The following ANGPT1 variants were observed in gnomAD, a reference collection of about 807,000 sequenced individuals.
ANGPT1 encodes angiopoietin-1.
In ANGPT1, 17 loss-of-function variants were observed where a neutral mutation model predicts 62.2. The observed-to-expected ratio is 0.27, with a 90% CI of 0.19 to 0.41. ANGPT1 has a LOEUF of 0.41. Among genes scored for constraint, ANGPT1 ranks in the 10% least tolerant of loss-of-function variants. The pLI is 1.00. For synonymous variants in ANGPT1, 199 were observed against 198.9 expected (o/e 1.00, Z 0.00); for missense variants, 478 against 594.9 (o/e 0.80, Z 2.04).
chr8:107,450,978 C>A (rs185071644), intron 1 of ANGPT1, among the ~76,000 whole-genome samples: 1 of 151,602 alleles, frequency 6.6e-6, no homozygotes, highest in Non-Finnish European at 1.5e-5. Context: ...TTTACTAGAA[C>A]GTATTGTAAA....
chr8:107,256,121 A>G (rs1296621318), intron 8 of ANGPT1, among the ~76,000 whole-genome samples: 1 of 152,192 alleles, frequency 6.6e-6, no homozygotes, highest in African/African-American at 2.4e-5. Flanking sequence ...CTAGTGGGCC[A>G]TGAATTCTGT....
chr8:107,473,488 A>G (rs1812419219), intron 1 of ANGPT1, among the ~76,000 whole-genome samples: 1 of 152,064 alleles, frequency 6.6e-6, no homozygotes, highest in Admixed American at 6.6e-5. Flanking sequence ...CATCTTGGTG[A>G]GCAAATAAAT....
At chr8:107,360,556 A>G (rs1274399133) in intron 1 of ANGPT1, among the ~76,000 whole-genome samples, 1 of 152,220 alleles carries the variant, frequency 6.6e-6, no homozygotes, top group Non-Finnish European at 1.5e-5. Context: ...TTGTTTGACT[A>G]GCACATTATT....
At chr8:107,364,556 C>A (rs1816233874) in intron 1 of ANGPT1, among the ~76,000 whole-genome samples, 1 of 152,170 alleles carries the variant, frequency 6.6e-6, no homozygotes, top group Non-Finnish European at 1.5e-5. Flanking sequence ...GCTGAGATTA[C>A]AGGCGTGAGC....
chr8:107,356,178 G>A lies in ANGPT1; in HGVS notation c.298-9081C>T, dbSNP rs539030547. On this transcript the variant is annotated intron_variant, in intron 1 of 8. Transcript: ENST00000517746. The stretch of plus-strand genomic sequence containing the variant: ...TGAAAACAAATATCCTCACTTTGTG[G>A]ACCACATAAACCCATCTTGTCTTAC... Among the ~76,000 whole-genome samples, 36 of 152,130 alleles carry A rather than the reference G, an allele frequency of 2.4e-4. No individual in the cohort carries two copies. In the South Asian group the frequency reaches 7.5e-3, roughly 32 times the overall value.
At chr8:107,299,417 ATAT>A (rs1814502521) in intron 5 of ANGPT1, among the ~76,000 whole-genome samples, 6 of 142,652 alleles carry the variant, frequency 4.2e-5, no homozygotes, top group Non-Finnish European at 7.6e-5. Flanking sequence ...ATATATATAT[ATAT>A]AAACATACAT....
At chr8:107,258,905 A>T (rs1217563958) in intron 8 of ANGPT1, among the ~76,000 whole-genome samples, 1 of 152,154 alleles carries the variant, frequency 6.6e-6, no homozygotes, top group Admixed American at 6.5e-5. Flanking sequence ...AATAATTTGT[A>T]ATTTTGCAAT....
intron 1 of ANGPT1, among the ~76,000 whole-genome samples, chr8:107,366,648 T>C (rs1816280033): frequency 6.6e-6 from 1 of 152,164 alleles, no homozygotes; most frequent in African/African-American, 2.4e-5. Flanking sequence ...TTCAATTGGA[T>C]GAACTCAAAC....
chr8:107,337,177 A>T (rs1815587202), intron 2 of ANGPT1, among the ~76,000 whole-genome samples: 1 of 152,178 alleles, frequency 6.6e-6, no homozygotes, highest in Admixed American at 6.5e-5. Flanking sequence ...CCAAGGGAAG[A>T]GTGGGGTTTC....
intron 1 of ANGPT1, among the ~76,000 whole-genome samples, chr8:107,454,667 T>C (rs1333625746): frequency 6.6e-6 from 1 of 152,062 alleles, no homozygotes; most frequent in Non-Finnish European, 1.5e-5. Flanking sequence ...AAACCCTAAG[T>C]ATTCATAAAT....
chr8:107,422,884 T>C (rs1202537075), intron 1 of ANGPT1, among the ~76,000 whole-genome samples: 2 of 152,194 alleles, frequency 1.3e-5, no homozygotes, highest in Admixed American at 6.5e-5. Context: ...GTCTAAATGA[T>C]ACGTGAAAAA....
rs1441907731 is a variant in ANGPT1 at position 107,497,662 on chromosome 8, A to T, written c.-104T>A. The T allele has an allele frequency of 8.4e-7, 1 of 1,196,146 alleles. No individual in the cohort carries two copies. The highest frequency in any genetic ancestry group is 1.1e-6 in the Non-Finnish European group (1 of 879,080). The allele number at this position is 1,196,146 out of a possible 1,614,324, so 74.1% of individuals were successfully genotyped here. On this transcript the variant is annotated 5_prime_UTR_variant, in exon 1 of 9. Coordinates refer to ENST00000517746, the MANE Select transcript of ANGPT1 (RefSeq NM_001146.5). The stretch of plus-strand genomic sequence containing the variant: ...TCAGGTAAAACTGCTTGTTTGTTTG[A>T]CTCTTTCCCCCTCAAAGAAAGCGTT...
chr8:107,458,251 A>T lies in ANGPT1; in HGVS notation c.297+39011T>A, dbSNP rs373817915. 2.5e-4 allele frequency among the ~76,000 whole-genome samples: 38 copies of T among 152,278 alleles called. No individual in the cohort carries two copies. The East Asian group carries it at 6.6e-3, about 26-fold the overall frequency. ...TGCAAGACTTATACAAGAGTAAACAATGAGTTTATTTATCTTTCAGATTCC... is the reference window on the plus strand; with the variant it reads ...TGCAAGACTTATACAAGAGTAAACATTGAGTTTATTTATCTTTCAGATTCC... On this transcript the variant is annotated intron_variant, in intron 1 of 8. Transcript: ENST00000517746.
intron 1 of ANGPT1, among the ~76,000 whole-genome samples, chr8:107,425,906 A>T (rs1236833155): frequency 6.6e-6 from 1 of 152,180 alleles, no homozygotes; most frequent in African/African-American, 2.4e-5. Flanking sequence ...GAAAGTGCTC[A>T]CCAAAGCAAG....
intron 1 of ANGPT1, among the ~76,000 whole-genome samples, chr8:107,433,661 C>T (rs577820412): frequency 1.3e-5 from 2 of 152,328 alleles, no homozygotes; most frequent in African/African-American, 4.8e-5. Context: ...TAGCATCTAT[C>T]ATAAGCCAGG....
At chr8:107,295,380 G>A (rs796348864) in intron 5 of ANGPT1, 6 of 152,108 alleles carry the variant, frequency 3.9e-5, no homozygotes, top group African/African-American at 1.2e-4. Flanking sequence ...ACATAACCTC[G>A]AGCTACACTT....
At chr8:107,334,403 G>A (rs1045174518) in intron 3 of ANGPT1, among the ~76,000 whole-genome samples, 1 of 152,118 alleles carries the variant, frequency 6.6e-6, no homozygotes, top group African/African-American at 2.4e-5. Context: ...TATCTCCAAA[G>A]AAGTCAGACT....
intron 6 of ANGPT1, 31 bp downstream of exon 6, chr8:107,293,904 AC>A: frequency 6.4e-7 from 1 of 1,560,486 alleles, no homozygotes; most frequent in Admixed American, 1.7e-5. Context: ...AAGATAAAAC[AC>A]CAAAAAGCAC....
chr8:107,388,158 C>T (rs1029766918), intron 1 of ANGPT1, among the ~76,000 whole-genome samples: 5 of 152,134 alleles, frequency 3.3e-5, no homozygotes, highest in African/African-American at 9.6e-5. Flanking sequence ...GAGTAACAAA[C>T]GGTGGTCTCA....
Sources: allele counts gnomAD v4.1 joint callset (sites outside exome capture counted in the v4.1 genomes callset), GRCh38; gene constraint gnomAD v4.1.1; transcripts MANE v1.5; gene names NCBI Gene and HGNC (gene_info 2026-07-23, HGNC 2026-07-21).